LRP1B: variants seen among roughly 807,000 people sequenced by gnomAD.
The protein encoded by LRP1B is low-density lipoprotein receptor-related protein 1B.
In LRP1B, 217 loss-of-function variants were observed where a neutral mutation model predicts 556.6. The observed-to-expected ratio is 0.39, with a 90% CI of 0.35 to 0.44. The LOEUF is 0.44. Ranked by LOEUF, LRP1B falls within the 20% of genes least tolerant of loss-of-function variation. LRP1B has a pLI of 1.00. For missense variants in LRP1B, 5,053 were observed against 5,620.8 expected, an observed-to-expected ratio of 0.90 and a Z score of 3.23; for synonymous variants, 2,047 against 1,865.8, an observed-to-expected ratio of 1.10 and a Z score of -2.50.
chr2:141,106,988 T>A (rs1232732712), intron 7 of LRP1B, among the ~76,000 whole-genome samples: 1 of 152,164 alleles, frequency 6.6e-6, no homozygotes, highest in Non-Finnish European at 1.5e-5. Context: ...TAATTGTTTT[T>A]TTTTTCTTTG....
At chr2:141,251,683 A>G (rs1558960684) in intron 4 of LRP1B, among the ~76,000 whole-genome samples, 2 of 152,112 alleles carry the variant, frequency 1.3e-5, no homozygotes, top group African/African-American at 2.4e-5. Context: ...GAAGAAGTAA[A>G]GTTCTTCTGA....
intron 7 of LRP1B, among the ~76,000 whole-genome samples, chr2:141,159,510 G>C (rs956072917): frequency 6.6e-6 from 1 of 152,044 alleles, no homozygotes; most frequent in Admixed American, 6.6e-5. Context: ...GGGACTACAG[G>C]TGCACACAAC....
chr2:140,547,553 T>C (rs1323828528), intron 43 of LRP1B, among the ~76,000 whole-genome samples: 2 of 152,172 alleles, frequency 1.3e-5, no homozygotes, highest in Non-Finnish European at 2.9e-5. Flanking sequence ...TTCTTCTTTA[T>C]TAATTTAGCC....
intron 57 of LRP1B, among the ~76,000 whole-genome samples, chr2:140,489,010 T>C (rs996993387): frequency 1.3e-5 from 2 of 152,170 alleles, no homozygotes; most frequent in Non-Finnish European, 2.9e-5. Flanking sequence ...TAGATTTAAA[T>C]AGTTCTTTGT....
At chr2:141,306,205 G>C (rs1686581299) in intron 3 of LRP1B, among the ~76,000 whole-genome samples, 1 of 152,016 alleles carries the variant, frequency 6.6e-6, no homozygotes, top group South Asian at 2.1e-4. Context: ...ATTTAGAATA[G>C]TTTGAGGAAA....
intron 41 of LRP1B, among the ~76,000 whole-genome samples, chr2:140,629,207 C>G (rs1683788660): frequency 6.6e-6 from 1 of 151,904 alleles, no homozygotes; most frequent in South Asian, 2.1e-4. Context: ...TTGTGCACCA[C>G]CATATCCAGC....
chr2:140,409,105 G>C (rs1458521300), intron 66 of LRP1B, among the ~76,000 whole-genome samples: 2 of 151,904 alleles, frequency 1.3e-5, no homozygotes, highest in Non-Finnish European at 2.9e-5. Context: ...AGATTTGAAG[G>C]ATTGCTAAAG....
chr2:141,062,165 T>C lies in LRP1B; in HGVS notation c.1122A>G (p.Ala374=), dbSNP rs1303712449. 2 of 1,611,640 alleles carry C rather than the reference T, an allele frequency of 1.2e-6. No homozygotes were observed. The highest frequency in any genetic ancestry group is 1.1e-5 in the South Asian group (1 of 91,042). The change falls in exon 8 of 91, where the codon GCA becomes GCG. Residue 374 remains alanine, a synonymous_variant. Coordinates refer to ENST00000389484, the MANE Select transcript of LRP1B (RefSeq NM_018557.3). The stretch of plus-strand genomic sequence containing the variant: ...ATTTGTTGACTAGGTCTAGTGCCAG[T>C]GCAGCTGGCTGCTCTGTCTTTGAAT... ...IIDSKTEQPA[A]LALDLVNKLV... is the part of the protein sequence containing the mutation.
chr2:141,794,164 T>C (rs897317402), intron 2 of LRP1B, among the ~76,000 whole-genome samples: 1 of 151,930 alleles, frequency 6.6e-6, no homozygotes, highest in African/African-American at 2.4e-5. Context: ...AATGTGGGCA[T>C]GACACTCATG....
At position 141,880,005 on chromosome 2, in the gene LRP1B, T is replaced by C. The variant is rs1362874819; in HGVS notation, c.83-69604A>G. On this transcript the variant is annotated intron_variant, in intron 1 of 90. Transcript: ENST00000389484. The stretch of plus-strand genomic sequence containing the variant: ...GTTAATTTCTTCTATTGCCTTAAAA[T>C]TCTATACCCTCCCATACTTCAGCTA... 2.0e-5 allele frequency among the ~76,000 whole-genome samples: 3 copies of C among 151,710 alleles called. No homozygotes were observed. In the Admixed American group the frequency reaches 2.0e-4, roughly 10 times the overall value.
chr2:141,600,631 A>G (rs1687694595), intron 2 of LRP1B, among the ~76,000 whole-genome samples: 1 of 152,174 alleles, frequency 6.6e-6, no homozygotes, highest in African/African-American at 2.4e-5. Flanking sequence ...GAGCAGGAAA[A>G]GTCAATGTCT....
chr2:141,102,840 A>C (rs1268226853), intron 7 of LRP1B, among the ~76,000 whole-genome samples: 1 of 152,114 alleles, frequency 6.6e-6, no homozygotes, highest in Non-Finnish European at 1.5e-5. Context: ...ATTACATTGA[A>C]AATATGATAA....
intron 1 of LRP1B, among the ~76,000 whole-genome samples, chr2:142,000,898 C>A (rs1007197324): frequency 6.6e-6 from 1 of 152,066 alleles, no homozygotes; most frequent in Non-Finnish European, 1.5e-5. Flanking sequence ...GTGTCCCCAC[C>A]CAAATCTCAT....
chr2:141,810,824 A>G (rs1429148505), intron 1 of LRP1B, among the ~76,000 whole-genome samples: 1 of 152,134 alleles, frequency 6.6e-6, no homozygotes, highest in Non-Finnish European at 1.5e-5. Context: ...TATTAATATT[A>G]TAGTTAAAAA....
chr2:141,862,321 T>C (rs1698272927), intron 1 of LRP1B, among the ~76,000 whole-genome samples: 1 of 151,642 alleles, frequency 6.6e-6, no homozygotes, highest in Non-Finnish European at 1.5e-5. Context: ...ACATTAACTC[T>C]ACCACTGTGG....
chr2:141,059,393 T>G (rs1699276367), intron 8 of LRP1B, among the ~76,000 whole-genome samples: 1 of 151,872 alleles, frequency 6.6e-6, no homozygotes, highest in Non-Finnish European at 1.5e-5. Context: ...CTGTTATACA[T>G]AATTTGAGAT....
intron 66 of LRP1B, among the ~76,000 whole-genome samples, chr2:140,436,635 G>A (rs942039521): frequency 6.8e-6 from 1 of 147,634 alleles, no homozygotes; most frequent in Non-Finnish European, 1.5e-5. Flanking sequence ...TAAATTGCCA[G>A]TGTGAGAAGT....
chr2:141,792,675 T>C (rs922646349), intron 2 of LRP1B, among the ~76,000 whole-genome samples: 8 of 152,000 alleles, frequency 5.3e-5, no homozygotes, highest in African/African-American at 1.9e-4. Flanking sequence ...ATTGTAAAAC[T>C]GGACACTTCA....
intron 2 of LRP1B, among the ~76,000 whole-genome samples, chr2:141,760,666 T>C (rs1157408346): frequency 6.6e-6 from 1 of 152,214 alleles, no homozygotes; most frequent in African/African-American, 2.4e-5. Context: ...TACAGAGTTT[T>C]CAATTTCAGA....
Sources: gnomAD v4.1 joint callset for allele counts (sites outside exome capture counted in the v4.1 genomes callset) on GRCh38, gnomAD v4.1.1 for gene constraint, MANE v1.5 for transcripts, NCBI Gene and HGNC (gene_info 2026-07-23, HGNC 2026-07-21) for gene names.